The following LMNB2 variants were observed in gnomAD, a reference collection of about 807,000 sequenced individuals.
LMNB2 encodes lamin B2, also known as lamin-B2.
Under a neutral mutation model 69.3 loss-of-function variants are expected in LMNB2, and 17 were observed. That is an observed-to-expected ratio of 0.25 (90% CI 0.17 to 0.37). The LOEUF is 0.37. LMNB2 is among the 10% of genes least tolerant of loss of function. LMNB2 has a pLI of 1.00. For synonymous variants in LMNB2, 397 were observed against 389.3 expected, an observed-to-expected ratio of 1.02 and a Z score of -0.23; for missense variants, 789 against 883.6, an observed-to-expected ratio of 0.89 and a Z score of 1.36.
rs963343109 is a variant in LMNB2, at chr19:2,431,975, T to C, written c.1591-73A>G. Reference sequence around the variant, plus strand: ...GGGACGTGGGCCAGCCAGTGGCCCCTACCACAAAGCCCCCTTCAATGCCCT... The same window carrying C: ...GGGACGTGGGCCAGCCAGTGGCCCCCACCACAAAGCCCCCTTCAATGCCCT... On this transcript the variant is annotated intron_variant, in intron 9 of 11. Transcript: ENST00000325327. 35 of 1,539,454 alleles carry C rather than the reference T, an allele frequency of 2.3e-5. No individual in the cohort carries two copies. In the South Asian group the frequency reaches 4.1e-4, roughly 18 times the overall value.
rs142789306 is a variant in LMNB2, at chr19:2,433,737, C to T, written c.1482+89G>A. ...TCCGGTCACCTTGTCCCCTGCCTCG[C>T]ATTGGCCGGCAGCCCCGTCACCCTG... On this transcript the variant is annotated intron_variant, in intron 8 of 11. Transcript: ENST00000325327. The T allele has an allele frequency of 3.6e-5, 53 of 1,455,742 alleles. No individual in the cohort carries two copies. In the African/African-American group the frequency reaches 7.8e-4, roughly 21 times the overall value. The allele number at this position is 1,455,742 out of a possible 1,614,324, so 90.2% of individuals were successfully genotyped here. A position where few individuals can be genotyped will look rare whatever the true frequency, so the allele number is the denominator to read the frequency against.
chr19:2,435,118 G>T lies in LMNB2; in HGVS notation c.738C>A (p.Ser246Arg). ...RHERRLVEVD[S>R]SRQQEYDFKM... Reference sequence around the variant, plus strand: ...TGAAGTCGTACTCCTGCTGCCGGCTGCTGTCCACCTCCACCAGGCGCCGCT... The same window carrying T: ...TGAAGTCGTACTCCTGCTGCCGGCTTCTGTCCACCTCCACCAGGCGCCGCT... Residue 246 changes from serine (S) to arginine (R), a missense_variant, in exon 5 of 12, where the codon AGC becomes AGA. Transcript: ENST00000325327. 6.2e-7 allele frequency: 1 copy of T among 1,608,268 alleles called. No individual in the cohort carries two copies.
chr19:2,454,886 C>G (rs1006155842), intron 1 of LMNB2, among the ~76,000 whole-genome samples: 2 of 152,102 alleles, frequency 1.3e-5, no homozygotes, highest in South Asian at 2.1e-4. Flanking sequence ...CAAGACACCC[C>G]GACCTCATGT....
chr19:2,444,794 C>T (rs1190803612), intron 1 of LMNB2, among the ~76,000 whole-genome samples: 1 of 152,214 alleles, frequency 6.6e-6, no homozygotes, highest in African/African-American at 2.4e-5. Context: ...CCAGGAGCCT[C>T]CTCCTCTGCT....
intron 11 of LMNB2, 113 bp from the exon 12 acceptor site, chr19:2,431,065 G>A: frequency 1.3e-6 from 1 of 740,984 alleles, no homozygotes; most frequent in Non-Finnish European, 2.5e-6. Flanking sequence ...CAACAACAGT[G>A]TCTATTTCTA....
Position 2,435,230 on chromosome 19 carries a change from A to G in LMNB2, c.685-59T>C, listed in dbSNP as rs1168814536. The G allele has an allele frequency of 1.9e-6, 3 of 1,587,160 alleles. No homozygotes were observed. The African/African-American group carries it at 4.0e-5, about 21-fold the overall frequency. ...GCCTGGGCCCCAAGCACCAGGCCCAAGGGAGGGCTCAAAAATGTGCCAAGA... is the reference window on the plus strand; with the variant it reads ...GCCTGGGCCCCAAGCACCAGGCCCAGGGGAGGGCTCAAAAATGTGCCAAGA... On this transcript the variant is annotated intron_variant, in intron 4 of 11. Transcript: ENST00000325327.
In LMNB2 at chr19:2,451,906, C is replaced by T. The variant is rs75161673; in HGVS notation, c.264+4764G>A. Among the ~76,000 whole-genome samples the T allele has an allele frequency of 2.5e-3, 376 of 151,986 alleles. 15 individuals carry two copies. The East Asian group carries it at 0.058, about 23-fold the overall frequency. Reference sequence around the variant, plus strand: ...CCGCCTCCGAGACCCCCTCCAGCAGCCCTGAGCAGCCAGGGGACACCGGGG... The same window carrying T: ...CCGCCTCCGAGACCCCCTCCAGCAGTCCTGAGCAGCCAGGGGACACCGGGG... On this transcript the variant is annotated intron_variant, in intron 1 of 11. Coordinates refer to ENST00000325327, the MANE Select transcript of LMNB2 (RefSeq NM_032737.4).
intron 1 of LMNB2, among the ~76,000 whole-genome samples, chr19:2,454,819 G>A (rs768951379): frequency 3.9e-5 from 6 of 152,122 alleles, no homozygotes; most frequent in Middle Eastern, 3.4e-3. Context: ...CCAGTGGGAG[G>A]GACAAAGAGC....
chr19:2,434,718 C>T (rs1209058539), intron 6 of LMNB2, 70 bp downstream of exon 6: 2 of 1,546,902 alleles, frequency 1.3e-6, no homozygotes, highest in Non-Finnish European at 8.7e-7. Flanking sequence ...AGCCCCACGC[C>T]CCGCACATCC....
At chr19:2,446,765 A>G (rs1420359807) in intron 1 of LMNB2, among the ~76,000 whole-genome samples, 1 of 152,196 alleles carries the variant, frequency 6.6e-6, no homozygotes, top group Non-Finnish European at 1.5e-5. Flanking sequence ...CCCAAGAGTC[A>G]CAGAGCCACC....
At position 2,432,471 on chromosome 19, in the gene LMNB2, T is replaced by C. The variant is rs151318750; in HGVS notation, c.1535A>G (p.Glu512Gly). 9.5e-5 allele frequency: 153 copies of C among 1,613,566 alleles called. No homozygotes were observed. The highest frequency in any genetic ancestry group is 1.8e-5 in the Non-Finnish European group (21 of 1,179,900). ...RIKRQVLEGE[E>G]IAYKFTPKYI... ...CTTGGGCGTGAACTTGTAGGCGATCTCCTCCCCCTCCAAGACCTGCCTCTT... is the reference window on the plus strand; with the variant it reads ...CTTGGGCGTGAACTTGTAGGCGATCCCCTCCCCCTCCAAGACCTGCCTCTT... The change falls in exon 9 of 12, where the codon GAG (glutamate) becomes GGG (glycine). Residue 512 changes from glutamate to glycine, a missense_variant. Around this residue, in one of 3 missense-constraint regions of LMNB2, gnomAD observed 609 missense variants for 630.9 expected, o/e 0.97. Transcript: ENST00000325327.
At chr19:2,444,648 C>G in intron 1 of LMNB2, 108 bp from the exon 2 acceptor site, 1 of 1,429,170 alleles carries the variant, frequency 7.0e-7, no homozygotes, top group African/African-American at 1.4e-5. Flanking sequence ...GACTGGCACG[C>G]AGAGAGAGAG....
Position 2,433,891 on chromosome 19 carries a change from T to C in LMNB2, c.1417A>G (p.Ser473Gly), listed in dbSNP as rs377691705. The change falls in exon 8 of 12, where the codon AGC becomes GGC. Residue 473 changes from serine (S) to glycine (G), a missense_variant. Coordinates refer to ENST00000325327, the MANE Select transcript of LMNB2 (RefSeq NM_032737.4). ...HLAQQASASG[S>G]VSIEEIDLEG... is the part of the protein sequence containing the mutation. ...AGGTCGATCTCCTCGATGCTGACGC[T>C]ACCCGAGGCCGAGGCCTGCTGGGCC... The C allele has an allele frequency of 1.2e-6, 2 of 1,612,472 alleles. No individual in the cohort carries two copies. Among genetic ancestry groups the C allele is most frequent in the African/African-American group, 2.7e-5 (2 of 75,010 alleles).
chr19:2,454,653 G>A (rs1972068762), intron 1 of LMNB2, among the ~76,000 whole-genome samples: 2 of 152,150 alleles, frequency 1.3e-5, no homozygotes, highest in Non-Finnish European at 2.9e-5. Context: ...AGATGGGCGA[G>A]TGGGGACTGG....
chr19:2,438,851 G>A (rs1971859482), intron 2 of LMNB2, among the ~76,000 whole-genome samples: 1 of 152,126 alleles, frequency 6.6e-6, no homozygotes, highest in South Asian at 2.1e-4. Flanking sequence ...TGCATCCTCT[G>A]TAAATGTTAC....
At chr19:2,456,620 C>A in intron 1 of LMNB2, 50 bp downstream of exon 1, 2 of 1,404,276 alleles carry the variant, frequency 1.4e-6, no homozygotes, top group Non-Finnish European at 1.9e-6. Flanking sequence ...CCGCGGTGGG[C>A]GGGGCCTGCC....
Position 2,432,452 on chromosome 19 carries a change from C to T in LMNB2, c.1554G>A (p.Thr518=), listed in dbSNP as rs11882908. 15 of 1,613,476 alleles carry T rather than the reference C, an allele frequency of 9.3e-6. No individual in the cohort carries two copies. The African/African-American group carries it at 1.7e-4, about 19-fold the overall frequency. The part of the protein sequence containing the change: ...LEGEEIAYKF[T]PKYILRAGQM... ...GGCCGGCGCGCAGGATGTACTTGGG[C>T]GTGAACTTGTAGGCGATCTCCTCCC... The change falls in exon 9 of 12, where the codon ACG becomes ACA. Residue 518 remains threonine (T), a synonymous_variant. Coordinates refer to ENST00000325327, the MANE Select transcript of LMNB2 (RefSeq NM_032737.4).
rs1366585426 is a variant in LMNB2 at position 2,443,742 on chromosome 19, T to G, written c.401+662A>C. On this transcript the variant is annotated intron_variant, in intron 2 of 11. Coordinates refer to ENST00000325327, the MANE Select transcript of LMNB2 (RefSeq NM_032737.4). The surrounding 1 kb of genome is among the most constrained non-coding windows in gnomAD (Gnocchi z 6.2). The stretch of plus-strand genomic sequence containing the variant: ...TGAGCTCAGTGTTTCATTGGCCTCC[T>G]GGCTCCTCTGAATAAATATTCCTTT... 6.6e-6 allele frequency among the ~76,000 whole-genome samples: 1 copy of G among 152,214 alleles called. No individual in the cohort carries two copies. The highest frequency in any genetic ancestry group is 1.5e-5 in the Non-Finnish European group (1 of 68,034).
At position 2,443,121 on chromosome 19, in the gene LMNB2, C is replaced by T. The variant is rs916511290; in HGVS notation, c.401+1283G>A. Among the ~76,000 whole-genome samples, 6 of 152,206 alleles carry T rather than the reference C, an allele frequency of 3.9e-5. No homozygotes were observed. The highest frequency in any genetic ancestry group is 1.4e-4 in the African/African-American group (6 of 41,444). ...TGCCTGAGCAGGTCCCGGGGTGCAC[C>T]TGTGCTGTGTGGGATGTGCTGAGAG... On this transcript the variant is annotated intron_variant, in intron 2 of 11. Coordinates refer to ENST00000325327, the MANE Select transcript of LMNB2 (RefSeq NM_032737.4). This position sits in a 1 kb window ranked among gnomAD's most constrained non-coding sequence, Gnocchi z 6.2.
Sources: gnomAD v4.1 joint callset for allele counts (sites outside exome capture counted in the v4.1 genomes callset) on GRCh38, gnomAD v4.1.1 for gene constraint, gnomAD v4.1.1 regional missense constraint, Gnocchi (gnomAD v3.1) non-coding constraint, MANE v1.5 for transcripts, NCBI Gene and HGNC (gene_info 2026-07-23, HGNC 2026-07-21) for gene names.